IFNAR2: variants seen among roughly 807,000 people sequenced by gnomAD.
IFNAR2 encodes the protein interferon alpha and beta receptor subunit 2.
A neutral mutation model predicts 49.4 loss-of-function variants in IFNAR2; 30 were observed. The ratio of observed to expected loss-of-function variants is 0.61; its 90% CI spans 0.45 to 0.82. The LOEUF (loss-of-function observed/expected upper bound fraction) is 0.82, where lower values mean the gene tolerates loss of function less well. Among genes scored for constraint, IFNAR2 ranks in the 40% least tolerant of loss-of-function variants. The pLI is 0.00. For missense variants in IFNAR2, 600 were observed against 622.7 expected (o/e 0.96, Z 0.39); for synonymous variants, 224 against 234.5 (o/e 0.96, Z 0.41).
intron 1 of IFNAR2, among the ~76,000 whole-genome samples, chr21:33,232,685 A>C (rs982915113): frequency 2.6e-5 from 4 of 152,020 alleles, no homozygotes; most frequent in Non-Finnish European, 5.9e-5. Flanking sequence ...ACTGAATCAC[A>C]ACATACTTTG....
intron 6 of IFNAR2, chr21:33,251,675 G>A: frequency 1.0e-6 from 1 of 985,150 alleles, no homozygotes; most frequent in Non-Finnish European, 1.2e-6. Context: ...TAGTAAGAAT[G>A]TATTTTAAAA....
At chr21:33,246,988 C>A in intron 5 of IFNAR2, 98 bp downstream of exon 5, 2 of 1,016,240 alleles carry the variant, frequency 2.0e-6, no homozygotes, top group Non-Finnish European at 2.9e-6. Context: ...TGTTTTAGAC[C>A]TGGGGCTGGG....
rs140249992 is a variant in IFNAR2 at position 33,263,516 on chromosome 21, A to G, written c.*16A>G. ...AATGAGATGACTCCAAAACTATTGA[A>G]TGAACTTGGACAGACAAGCACCTAC... On this transcript the variant is annotated 3_prime_UTR_variant, in exon 9 of 9. Coordinates refer to ENST00000342136, the MANE Select transcript of IFNAR2 (RefSeq NM_001289125.3). The G allele has an allele frequency of 1.6e-5, 26 of 1,589,168 alleles. No homozygotes were observed. In the African/African-American group the frequency reaches 2.3e-4, roughly 14 times the overall value.
intron 5 of IFNAR2, among the ~76,000 whole-genome samples, chr21:33,247,254 C>CTTTTTTTTTTTTTTTTTTTT (rs59707670): frequency 1.5e-3 from 136 of 91,534 alleles, no homozygotes; most frequent in Non-Finnish European, 2.0e-3. Flanking sequence ...TTCTTTCTTT[C>CTTTTTTTTTTTTTTTTTTTT]TTTTTTTTTT....
chr21:33,262,626 G>C, intron 8 of IFNAR2, 167 bp from the exon 9 acceptor site: 1 of 953,660 alleles, frequency 1.0e-6, no homozygotes, highest in East Asian at 2.6e-5. Flanking sequence ...ATGCACTACA[G>C]TCTGAAACTC....
rs1987287426 is a variant in IFNAR2 at position 33,245,010 on chromosome 21, T to C, written c.157T>C (p.Ser53Pro). ...ATTGCGAAATTTCCGGTCCATCTTA[T>C]CATGGGAATTAAAAAACCACTCCAT... The part of the protein sequence containing the change: ...ISLRNFRSIL[S>P]WELKNHSIVP... Residue 53 changes from serine to proline, a missense_variant, in exon 4 of 9, where the codon TCA (serine) becomes CCA (proline). By Grantham distance (74) the Ser-to-Pro change is moderately conservative (BLOSUM62 -1). Coordinates refer to ENST00000342136, the MANE Select transcript of IFNAR2 (RefSeq NM_001289125.3). 2 of 1,610,018 alleles carry C rather than the reference T, an allele frequency of 1.2e-6. No individual in the cohort carries two copies.
At chr21:33,248,349 AAAAG>A (rs1177219756) in intron 5 of IFNAR2, among the ~76,000 whole-genome samples, 1 of 138,194 alleles carries the variant, frequency 7.2e-6, no homozygotes, top group Non-Finnish European at 1.6e-5. Context: ...TCTACATTAA[AAAAG>A]AAAGAGAGAA....
At chr21:33,234,363 A>T (rs1275416624) in intron 1 of IFNAR2, among the ~76,000 whole-genome samples, 5 of 152,200 alleles carry the variant, frequency 3.3e-5, no homozygotes, top group African/African-American at 1.2e-4. Flanking sequence ...TTGATGCTGG[A>T]TGGTAGGAAT....
chr21:33,241,555 T>C (rs1396300782), intron 1 of IFNAR2, among the ~76,000 whole-genome samples: 2 of 152,232 alleles, frequency 1.3e-5, no homozygotes, highest in African/African-American at 4.8e-5. Context: ...TATTTGTTTT[T>C]GCTTATGCAT....
chr21:33,238,514 A>G (rs1986656101), intron 1 of IFNAR2, among the ~76,000 whole-genome samples: 1 of 152,214 alleles, frequency 6.6e-6, no homozygotes, highest in South Asian at 2.1e-4. Flanking sequence ...AGAAGGAACA[A>G]GATCTACTGG....
intron 4 of IFNAR2, among the ~76,000 whole-genome samples, chr21:33,246,072 ATTT>A (rs35111583): frequency 2.1e-5 from 3 of 139,552 alleles, no homozygotes; most frequent in Admixed American, 7.2e-5. Flanking sequence ...TCATCCGGCA[ATTT>A]TTTTTTTTTT....
chr21:33,244,907 C>T (rs982137173), intron 3 of IFNAR2, 44 bp from the exon 4 acceptor site: 6 of 1,604,772 alleles, frequency 3.7e-6, no homozygotes, highest in Middle Eastern at 1.7e-4. Context: ...CAGAATACAA[C>T]TGTGGGTTCC....
Position 33,230,615 on chromosome 21 carries a change from AC to A in IFNAR2, c.-84+401del. 1 of 469,578 alleles carries A rather than the reference AC, an allele frequency of 2.1e-6. No individual in the cohort carries two copies. Among genetic ancestry groups the A allele is most frequent in the South Asian group, 1.6e-5 (1 of 64,348 alleles). 29.1% of individuals were successfully genotyped at this position (469,578 alleles called of 1,614,324 possible). A position where few individuals can be genotyped will look rare whatever the true frequency, so the allele number is the denominator to read the frequency against. ...CTCCAGGTCCACCCCGCCTTGCAAAACCGGCTCACCAGCTGGGTGCTCAGGT... is the reference window on the plus strand; with the variant it reads ...CTCCAGGTCCACCCCGCCTTGCAAAACGGCTCACCAGCTGGGTGCTCAGGT... On this transcript the variant is annotated intron_variant, in intron 1 of 8. Transcript: ENST00000342136. This position sits in a 1 kb window ranked among gnomAD's most constrained non-coding sequence, Gnocchi z 5.5.
chr21:33,262,619 C>T, intron 8 of IFNAR2, 174 bp from the exon 9 acceptor site: 1 of 869,502 alleles, frequency 1.2e-6, no homozygotes, highest in South Asian at 1.4e-5. Context: ...AGTCATAATG[C>T]ACTACAGTCT....
At chr21:33,258,290 G>A (rs926593317) in intron 7 of IFNAR2, among the ~76,000 whole-genome samples, 11 of 152,124 alleles carry the variant, frequency 7.2e-5, no homozygotes, top group Admixed American at 6.6e-4. Context: ...GAGCTACAGA[G>A]CAAGACTGTG....
At position 33,255,599 on chromosome 21, in the gene IFNAR2, G is replaced by GA. The variant is rs397710662; in HGVS notation, c.709+2769_709+2770insA. ...GGAGCTTCTGTCCCTGGGGAGTCAG[G>GA]TGTACCACCCTCTCTGTACATTCAT... On this transcript the variant is annotated intron_variant, in intron 7 of 8. Transcript: ENST00000342136. Among the ~76,000 whole-genome samples, 26 of 151,630 alleles carry GA rather than the reference G, an allele frequency of 1.7e-4. No homozygotes were observed. The East Asian group carries it at 4.3e-3, about 25-fold the overall frequency.
At chr21:33,257,297 G>T (rs1451394691) in intron 7 of IFNAR2, among the ~76,000 whole-genome samples, 1 of 152,200 alleles carries the variant, frequency 6.6e-6, no homozygotes, top group Non-Finnish European at 1.5e-5. Flanking sequence ...GACCTTCCTG[G>T]TGAGCGTTAA....
chr21:33,262,471 A>G (rs1988669619), intron 8 of IFNAR2: 1 of 637,514 alleles, frequency 1.6e-6, no homozygotes, highest in Middle Eastern at 4.1e-4. Flanking sequence ...TATAGTAAGC[A>G]TGGTGTAACT....
Position 33,236,715 on chromosome 21 carries a change from G to A in IFNAR2, c.-83-5125G>A, listed in dbSNP as rs191178642. 12 of 985,366 alleles carry A rather than the reference G, an allele frequency of 1.2e-5. No individual in the cohort carries two copies. The East Asian group carries it at 1.1e-3, about 93-fold the overall frequency. The allele number at this position is 985,366 out of a possible 1,614,324, so 61.0% of individuals were successfully genotyped here. ...TGGGAGCCTAAACTGCAGGAGATGG[G>A]GAAGGATCCAAGTGTGAGCTGGGGC... On this transcript the variant is annotated intron_variant, in intron 1 of 8. Coordinates refer to ENST00000342136, the MANE Select transcript of IFNAR2 (RefSeq NM_001289125.3).
Sources: gnomAD v4.1 joint callset for allele counts (sites outside exome capture counted in the v4.1 genomes callset) on GRCh38, gnomAD v4.1.1 for gene constraint, Gnocchi (gnomAD v3.1) non-coding constraint, MANE v1.5 for transcripts, NCBI Gene and HGNC (gene_info 2026-07-23, HGNC 2026-07-21) for gene names.